Variants in CASP10 observed in about 807,000 individuals in gnomAD.
CASP10 encodes the protein caspase 10, also known as caspase-10.
CASP10 carries 41 observed loss-of-function variants against 48.5 expected under a neutral mutation model. The observed-to-expected ratio is 0.85, with a 90% CI of 0.66 to 1.10. The LOEUF (loss-of-function observed/expected upper bound fraction) is 1.10, where lower values mean the gene tolerates loss of function less well. CASP10 is among the 50% of genes least tolerant of loss of function. The pLI is 0.00. For missense variants in CASP10, 614 were observed against 614.5 expected (o/e 1.00, Z 0.01); for synonymous variants, 232 against 238.4 (o/e 0.97, Z 0.25).
chr2:201,227,980 A>G (rs1034599957), intron 9 of CASP10, among the ~76,000 whole-genome samples: 1 of 152,154 alleles, frequency 6.6e-6, no homozygotes, highest in Non-Finnish European at 1.5e-5. Context: ...CTGAATGCAC[A>G]ATTAGAAGCT....
chr2:201,213,707 A>G (rs942825360), intron 9 of CASP10: 8 of 152,356 alleles, frequency 5.3e-5, no homozygotes, highest in Admixed American at 2.0e-4. Context: ...AAGTAAGTCC[A>G]TGGGGAATTA....
chr2:201,212,968 G>T (rs567235755), intron 9 of CASP10: 12 of 152,286 alleles, frequency 7.9e-5, no homozygotes, highest in African/African-American at 2.2e-4. Context: ...AAGTGCATGC[G>T]ACAGCTATTT....
intron 9 of CASP10, among the ~76,000 whole-genome samples, chr2:201,228,081 A>G (rs1228086661): frequency 2.0e-5 from 3 of 151,450 alleles, no homozygotes; most frequent in African/African-American, 7.3e-5. Context: ...CACACCTGTA[A>G]TCCCAGCACT....
rs1169730197 is a variant in CASP10, at chr2:201,200,575, G to A, written c.685-3155G>A. 8 of 1,579,518 alleles carry A rather than the reference G, an allele frequency of 5.1e-6. No homozygotes were observed. The Admixed American group carries it at 5.3e-5, about 11-fold the overall frequency. ...GCAGGCAATCAGGACATGACACAGA[G>A]CCGGGAGAGGCCTGCTCTTCGGCTC... On this transcript the variant is annotated intron_variant, in intron 5 of 9. Transcript: ENST00000286186.
chr2:201,200,574 A>T (rs1944981266), intron 5 of CASP10: 20 of 1,582,590 alleles, frequency 1.3e-5, no homozygotes, highest in Non-Finnish European at 1.7e-5. Context: ...CATGACACAG[A>T]GCCGGGAGAG....
Position 201,209,070 on chromosome 2 carries a change from A to T in CASP10, c.923A>T (p.Glu308Val). The T allele has an allele frequency of 6.3e-7, 1 of 1,590,768 alleles. No homozygotes were observed. The highest frequency in any genetic ancestry group is 8.5e-7 in the Non-Finnish European group (1 of 1,170,646). Residue 308 changes from glutamate to valine, a missense_variant and splice_region_variant, in exon 9 of 10, where the codon GAG (glutamate) becomes GTG (valine). By Grantham distance (121) the Glu-to-Val change is moderately radical (BLOSUM62 -2). Coordinates refer to ENST00000286186, the MANE Select transcript of CASP10 (RefSeq NM_032977.4). ...KDRQGTHKDA[E>V]ILSHVFQWLG... is the part of the protein sequence containing the mutation. ...TTTTTTTTTTTTTGTTTTTAAACAG[A>T]GATCCTGAGTCATGTGTTCCAGTGG...
chr2:201,207,999 A>C, intron 7 of CASP10, 76 bp from the exon 8 acceptor site: 1 of 947,358 alleles, frequency 1.1e-6, no homozygotes, highest in Non-Finnish European at 1.7e-6. Flanking sequence ...CAGTGGATCC[A>C]TTGGAGTGGT....
Position 201,217,725 on chromosome 2 carries a change from A to T in CASP10, c.1553A>T (p.Asp518Val), listed in dbSNP as rs1945617525. The change falls in exon 10 of 10, where the codon GAT becomes GTT. Residue 518 changes from aspartate (D) to valine (V), a missense_variant. Asp to Val is a radical substitution (Grantham distance 152, BLOSUM62 -3). Coordinates refer to ENST00000286186, the MANE Select transcript of CASP10 (RefSeq NM_032977.4). The stretch of plus-strand genomic sequence containing the variant: ...AAACTAGTATTCCCTGTGCCCCTGG[A>T]TGCACTTTCATTATAGCAGAGAGTT... ...RKKLVFPVPL[D>V]ALSL is the part of the protein sequence containing the mutation. 6.2e-7 allele frequency: 1 copy of T among 1,613,890 alleles called. No individual in the cohort carries two copies. The highest frequency in any genetic ancestry group is 1.3e-5 in the African/African-American group (1 of 74,886).
At chr2:201,202,806 G>A (rs1018101056) in intron 5 of CASP10, among the ~76,000 whole-genome samples, 1 of 152,140 alleles carries the variant, frequency 6.6e-6, no homozygotes, top group African/African-American at 2.4e-5. Context: ...AGGGGGTGAT[G>A]GTGAATGGGG....
rs539196058 is a variant in CASP10, at chr2:201,218,221, A to G, written c.*480A>G. The G allele has an allele frequency of 5.6e-4, 570 of 1,012,522 alleles. 1 individual carries two copies. Among genetic ancestry groups the G allele is most frequent in the Middle Eastern group, 1.0e-3 (2 of 1,988 alleles). 62.7% of individuals were successfully genotyped at this position (1,012,522 alleles called of 1,614,324 possible). A position where few individuals can be genotyped will look rare whatever the true frequency, so the allele number is the denominator to read the frequency against. The stretch of plus-strand genomic sequence containing the variant: ...TAGGCACGAGCCACCACACCTGGCC[A>G]GAAAACTTTCATTATTGAAGACTTG... On this transcript the variant is annotated 3_prime_UTR_variant, in exon 10 of 10. Coordinates refer to ENST00000286186, the MANE Select transcript of CASP10 (RefSeq NM_032977.4).
At position 201,218,406 on chromosome 2, in the gene CASP10, G is replaced by A. The variant is rs142072849; in HGVS notation, c.*665G>A. 872 of 839,276 alleles carry A rather than the reference G, an allele frequency of 1.0e-3. 6 individuals carry two copies. In the African/African-American group the frequency reaches 0.014, roughly 14 times the overall value. The allele number at this position is 839,276 out of a possible 1,614,324, so 52.0% of individuals were successfully genotyped here. A position where few individuals can be genotyped will look rare whatever the true frequency, so the allele number is the denominator to read the frequency against. Reference sequence around the variant, plus strand: ...CAGCCTTGACCTCCCAGGTTCAAGCGATCCTCCCACCTCAGCCTCCCAAGT... The same window carrying A: ...CAGCCTTGACCTCCCAGGTTCAAGCAATCCTCCCACCTCAGCCTCCCAAGT... On this transcript the variant is annotated 3_prime_UTR_variant, in exon 10 of 10. Coordinates refer to ENST00000286186, the MANE Select transcript of CASP10 (RefSeq NM_032977.4).
At chr2:201,200,383 C>A in intron 5 of CASP10, 1 of 1,477,126 alleles carries the variant, frequency 6.8e-7, no homozygotes, top group South Asian at 1.1e-5. Context: ...GTATTCTCTC[C>A]ACATTCGTAA....
chr2:201,190,188 C>A (rs1313224304), intron 3 of CASP10, among the ~76,000 whole-genome samples: 1 of 152,070 alleles, frequency 6.6e-6, no homozygotes, highest in Non-Finnish European at 1.5e-5. Context: ...ATCCTGACTT[C>A]TTTTAATGAG....
chr2:201,200,542 A>G, intron 5 of CASP10: 3 of 1,597,054 alleles, frequency 1.9e-6, no homozygotes, highest in Non-Finnish European at 2.5e-6. Context: ...CGCCCACCTG[A>G]AGACTATGCA....
chr2:201,193,012 A>G lies in CASP10; in HGVS notation c.470A>G (p.Glu157Gly). 3 of 1,613,794 alleles carry G rather than the reference A, an allele frequency of 1.9e-6. No individual in the cohort carries two copies. The highest frequency in any genetic ancestry group is 2.5e-6 in the Non-Finnish European group (3 of 1,179,758). Residue 157 changes from glutamate to glycine, a missense_variant, in exon 4 of 10, where the codon GAG becomes GGG. Coordinates refer to ENST00000286186, the MANE Select transcript of CASP10 (RefSeq NM_032977.4). ...TCCCTAAGTTTCCTGGCATTTCTAG[A>G]GAAACAAGGTAAAATAGATGAAGAT... ...MTSLSFLAFLEKQGKIDEDNL... is the reference protein window; with the variant it reads ...MTSLSFLAFLGKQGKIDEDNL...
intron 1 of CASP10, among the ~76,000 whole-genome samples, chr2:201,185,351 C>G (rs1189110883): frequency 2.0e-5 from 3 of 152,118 alleles, no homozygotes; most frequent in African/African-American, 7.2e-5. Flanking sequence ...AACCCTGCCT[C>G]CCCCAGATTG....
At chr2:201,187,648 A>C in intron 2 of CASP10, 58 bp from the exon 3 acceptor site, 1 of 1,194,676 alleles carries the variant, frequency 8.4e-7, no homozygotes. Flanking sequence ...CACTTGATTG[A>C]TTATGGTGTC....
chr2:201,217,505 G>A, intron 9 of CASP10, 83 bp from the exon 10 acceptor site: 1 of 852,520 alleles, frequency 1.2e-6, no homozygotes, highest in Non-Finnish European at 2.0e-6. Context: ...GCTGCAGTGA[G>A]CTGAGATCAC....
chr2:201,209,652 G>C (rs1945331727), intron 9 of CASP10, 90 bp downstream of exon 9: 1 of 1,352,904 alleles, frequency 7.4e-7, no homozygotes, highest in South Asian at 1.4e-5. Context: ...GTAAGGGTGA[G>C]AGTTCTACGT....
Sources: allele counts gnomAD v4.1 joint callset (sites outside exome capture counted in the v4.1 genomes callset), GRCh38; gene constraint gnomAD v4.1.1; transcripts MANE v1.5; gene names NCBI Gene and HGNC (gene_info 2026-07-23, HGNC 2026-07-21).